CDC37L1: variants seen among roughly 807,000 people sequenced by gnomAD.
The protein encoded by CDC37L1 is cell division cycle 37 like 1, HSP90 cochaperone, also known as hsp90 co-chaperone Cdc37-like 1.
A neutral mutation model predicts 45.9 loss-of-function variants in CDC37L1; 32 were observed. That is an observed-to-expected ratio of 0.70 (90% confidence interval 0.53 to 0.94). The LOEUF (loss-of-function observed/expected upper bound fraction) is 0.94, where lower values mean the gene tolerates loss of function less well. Ranked by LOEUF, CDC37L1 falls within the 40% of genes least tolerant of loss-of-function variation. The probability of loss-of-function intolerance (pLI) is 0.00; values close to 1 mark genes in which losing one functional copy is unlikely to be tolerated. For synonymous variants in CDC37L1, 150 were observed against 133.0 expected (o/e 1.13, Z -0.88); for missense variants, 434 against 405.7 (o/e 1.07, Z -0.60).
At chr9:4,699,161 C>T (rs555852465) in intron 5 of CDC37L1, among the ~76,000 whole-genome samples, 11 of 152,134 alleles carry the variant, frequency 7.2e-5, no homozygotes, top group Admixed American at 3.3e-4. Context: ...ACTAGATTGC[C>T]GTAATGTTCA....
At chr9:4,702,106 T>G in intron 6 of CDC37L1, 78 bp downstream of exon 6, 1 of 632,132 alleles carries the variant, frequency 1.6e-6, no homozygotes, top group Admixed American at 3.6e-5. Flanking sequence ...CACTCTTTTT[T>G]TTTTTTAATA....
chr9:4,689,027 C>T (rs1841276889), intron 3 of CDC37L1, among the ~76,000 whole-genome samples: 1 of 151,862 alleles, frequency 6.6e-6, no homozygotes. Context: ...AACTGTTACT[C>T]AGATAAATAT....
At chr9:4,703,270 C>A in intron 6 of CDC37L1, 17 of 423,386 alleles carry the variant, frequency 4.0e-5, no homozygotes, top group Middle Eastern at 4.8e-4. Context: ...ATTCCAATTA[C>A]ATGTATGTCC....
Position 4,695,671 on chromosome 9 carries a change from T to C in CDC37L1, c.509-1425T>C, listed in dbSNP as rs1051855572. 3.9e-5 allele frequency among the ~76,000 whole-genome samples: 6 copies of C among 152,026 alleles called. 1 individual carries two copies. Among genetic ancestry groups the C allele is most frequent in the Non-Finnish European group, 8.8e-5 (6 of 68,006 alleles). Reference sequence around the variant, plus strand: ...TACCATGCCCAGCTAATTTTTAAGCTTTTTCTGTAGAGACAGGGTCTTACT... The same window carrying C: ...TACCATGCCCAGCTAATTTTTAAGCCTTTTCTGTAGAGACAGGGTCTTACT... On this transcript the variant is annotated intron_variant, in intron 3 of 6. Coordinates refer to ENST00000381854, the MANE Select transcript of CDC37L1 (RefSeq NM_017913.4).
rs562922800 is a variant in CDC37L1 at position 4,698,751 on chromosome 9, A to C, written c.747+872A>C. On this transcript the variant is annotated intron_variant, in intron 5 of 6. Transcript: ENST00000381854. ...CCTTTTCAGGAGGTTCTCTGTCGAA[A>C]CTATTTTCATAATAATACCAAGATG... Among the ~76,000 whole-genome samples, 21 of 152,230 alleles carry C rather than the reference A, an allele frequency of 1.4e-4. No homozygotes were observed. The South Asian group carries it at 4.2e-3, about 30-fold the overall frequency.
rs1796371730 is a variant in CDC37L1, at chr9:4,707,787, G to C, written c.*1675G>C. 1 of 151,560 alleles carries C rather than the reference G, an allele frequency of 6.6e-6. No individual in the cohort carries two copies. The highest frequency in any genetic ancestry group is 2.4e-5 in the African/African-American group (1 of 41,234). 9.4% of individuals were successfully genotyped at this position (151,560 alleles called of 1,614,324 possible). ...TATTTTTCCCTTTCTACCAAATTGA[G>C]AGAATGGGCAGACACAGGAGCCATA... is the stretch of plus-strand genomic sequence containing the variant. On this transcript the variant is annotated 3_prime_UTR_variant, in exon 7 of 7. Coordinates refer to ENST00000381854, the MANE Select transcript of CDC37L1 (RefSeq NM_017913.4).
At chr9:4,682,135 A>T (rs1587614228) in intron 1 of CDC37L1, among the ~76,000 whole-genome samples, 2 of 147,242 alleles carry the variant, frequency 1.4e-5, no homozygotes, top group African/African-American at 5.0e-5. Context: ...TTACCATATT[A>T]CTTTTCTTGA....
chr9:4,700,475 G>A (rs1841386806), intron 5 of CDC37L1, among the ~76,000 whole-genome samples: 1 of 152,152 alleles, frequency 6.6e-6, no homozygotes, highest in Non-Finnish European at 1.5e-5. Context: ...TGACACTTAA[G>A]AGTAGTAAAA....
At chr9:4,694,873 A>C (rs1054416120) in intron 3 of CDC37L1, among the ~76,000 whole-genome samples, 4 of 152,050 alleles carry the variant, frequency 2.6e-5, no homozygotes, top group Admixed American at 6.6e-5. Context: ...CCATCTCAAC[A>C]AAAAGAAAAA....
Position 4,699,941 on chromosome 9 carries a change from C to A in CDC37L1, c.748-1923C>A, listed in dbSNP as rs1841381988. Among the ~76,000 whole-genome samples the A allele has an allele frequency of 3.3e-5, 5 of 151,992 alleles. No individual in the cohort carries two copies. The South Asian group carries it at 1.0e-3, about 32-fold the overall frequency. ...TGAAATTATAAATAATTTCCGTTTT[C>A]TTTTTCATGTACTACAATGAACATT... On this transcript the variant is annotated intron_variant, in intron 5 of 6. Coordinates refer to ENST00000381854, the MANE Select transcript of CDC37L1 (RefSeq NM_017913.4).
In CDC37L1 at chr9:4,706,754, C is replaced by G. The variant is rs904846960; in HGVS notation, c.*642C>G. Reference sequence around the variant, plus strand: ...CTCAAATTATTCTCAAAACTATATTCCTTAGAATTTGATTTTACCCTGCTG... The same window carrying G: ...CTCAAATTATTCTCAAAACTATATTGCTTAGAATTTGATTTTACCCTGCTG... On this transcript the variant is annotated 3_prime_UTR_variant, in exon 7 of 7. Coordinates refer to ENST00000381854, the MANE Select transcript of CDC37L1 (RefSeq NM_017913.4). The G allele has an allele frequency of 2.6e-5, 4 of 152,144 alleles. No individual in the cohort carries two copies. Among genetic ancestry groups the G allele is most frequent in the Non-Finnish European group, 5.9e-5 (4 of 67,982 alleles). 9.4% of individuals were successfully genotyped at this position (152,144 alleles called of 1,614,324 possible). A position where few individuals can be genotyped will look rare whatever the true frequency, so the allele number is the denominator to read the frequency against.
intron 6 of CDC37L1, chr9:4,703,098 T>G (rs1468590583): frequency 6.5e-7 from 1 of 1,544,576 alleles, no homozygotes; most frequent in Non-Finnish European, 8.7e-7. Context: ...TCCAAGATTT[T>G]AAGACCAGCT....
At chr9:4,700,614 G>C (rs73643845) in intron 5 of CDC37L1, among the ~76,000 whole-genome samples, 20 of 152,192 alleles carry the variant, frequency 1.3e-4, no homozygotes, top group African/African-American at 4.6e-4. Context: ...GAAAGGCACT[G>C]GTCTTCAATC....
intron 1 of CDC37L1, among the ~76,000 whole-genome samples, chr9:4,683,830 C>T (rs539888073): frequency 3.0e-4 from 45 of 152,168 alleles, no homozygotes; most frequent in Non-Finnish European, 5.6e-4. Context: ...ACGAAGAACT[C>T]ATAAAGAATG....
intron 2 of CDC37L1, 93 bp from the exon 3 acceptor site, chr9:4,688,420 T>C (rs2130845874): frequency 2.9e-6 from 2 of 686,086 alleles, no homozygotes; most frequent in East Asian, 6.1e-5. Context: ...ACATATATTG[T>C]CTATAGGAAG....
chr9:4,700,443 C>T (rs145551343), intron 5 of CDC37L1, among the ~76,000 whole-genome samples: 3 of 152,284 alleles, frequency 2.0e-5, no homozygotes, highest in African/African-American at 4.8e-5. Flanking sequence ...CCACCACACC[C>T]GGTCTCTTCT....
intron 3 of CDC37L1, among the ~76,000 whole-genome samples, chr9:4,692,452 T>G (rs1458703575): frequency 3.3e-5 from 5 of 152,004 alleles, no homozygotes; most frequent in African/African-American, 1.2e-4. Context: ...GTATTTTTAG[T>G]AGAGATGGGG....
At chr9:4,703,279 C>G in intron 6 of CDC37L1, 1 of 446,694 alleles carries the variant, frequency 2.2e-6, no homozygotes, top group East Asian at 3.7e-5. Flanking sequence ...ACATGTATGT[C>G]CTTTAAGGAA....
Position 4,697,793 on chromosome 9 carries a change from G to C in CDC37L1, c.661G>C (p.Val221Leu). The C allele has an allele frequency of 6.4e-7, 1 of 1,570,076 alleles. No individual in the cohort carries two copies. Among genetic ancestry groups the C allele is most frequent in the South Asian group, 1.1e-5 (1 of 89,960 alleles). ...AATGGAACAAATAGCACATCAAGCT[G>C]TTGTAATGCAGTTTATTATGGAAAT... The part of the protein sequence containing the change: ...ALMEQIAHQA[V>L]VMQFIMEMAK... Residue 221 changes from valine (V) to leucine (L), a missense_variant, in exon 5 of 7, where the codon GTT becomes CTT. Coordinates refer to ENST00000381854, the MANE Select transcript of CDC37L1 (RefSeq NM_017913.4).
Sources: allele counts gnomAD v4.1 joint callset (sites outside exome capture counted in the v4.1 genomes callset), GRCh38; gene constraint gnomAD v4.1.1; transcripts MANE v1.5; gene names NCBI Gene and HGNC (gene_info 2026-07-23, HGNC 2026-07-21).